Variants in USH2A observed in about 807,000 individuals in gnomAD.
USH2A encodes the protein Usher syndrome 2A (autosomal recessive, mild).
USH2A carries 443 observed loss-of-function variants against 538.9 expected under a neutral mutation model. The observed-to-expected ratio is 0.82, with a 90% CI of 0.76 to 0.89. The LOEUF (loss-of-function observed/expected upper bound fraction) is 0.89. USH2A is among the 40% of genes least tolerant of loss of function. USH2A has a pLI of 0.00. For synonymous variants in USH2A, 2,413 were observed against 2,273.5 expected, an observed-to-expected ratio of 1.06 and a Z score of -1.75; for missense variants, 6,633 against 6,324.8, an observed-to-expected ratio of 1.05 and a Z score of -1.65.
intron 46 of USH2A, among the ~76,000 whole-genome samples, chr1:215,839,737 T>C (rs1663624181): frequency 6.6e-6 from 1 of 152,196 alleles, no homozygotes; most frequent in South Asian, 2.1e-4. Flanking sequence ...GCTAAAACGA[T>C]ATTGTATAAC....
chr1:215,724,094 CTATATCATCTAT>C (rs935031062), intron 61 of USH2A, among the ~76,000 whole-genome samples: 7 of 151,746 alleles, frequency 4.6e-5, no homozygotes, highest in South Asian at 2.1e-4. Context: ...ATATCTATAT[CTATATCATCTAT>C]ATCTATATCT....
chr1:215,890,350 TA>T (rs1558147313), intron 40 of USH2A, among the ~76,000 whole-genome samples: 1 of 152,210 alleles, frequency 6.6e-6, no homozygotes, highest in Non-Finnish European at 1.5e-5. Flanking sequence ...GTTGAAATTT[TA>T]AATGCAACCA....
intron 25 of USH2A, among the ~76,000 whole-genome samples, chr1:216,084,263 C>T (rs996053608): frequency 6.6e-6 from 1 of 151,988 alleles, no homozygotes; most frequent in African/African-American, 2.4e-5. Context: ...GCCTACTTAA[C>T]CCATTACCTA....
chr1:215,628,900 C>T lies in USH2A; in HGVS notation c.15433G>A (p.Val5145Ile), dbSNP rs111033269. The change falls in exon 71 of 72, where the codon GTC becomes ATC. Residue 5145 changes from valine (V) to isoleucine (I), a missense_variant. By Grantham distance (29) the Val-to-Ile change is conservative. Transcript: ENST00000307340. ...TYSQGSLHRSVSQLMDIQDKK... is the reference protein window; with the variant it reads ...TYSQGSLHRSISQLMDIQDKK... Reference sequence around the variant, plus strand: ...TCTTGAATGTCCATGAGCTGGCTGACGCTGCGGTGAAGAGAACCCTGGGAG... The same window carrying T: ...TCTTGAATGTCCATGAGCTGGCTGATGCTGCGGTGAAGAGAACCCTGGGAG... 4.3e-3 allele frequency: 6,909 copies of T among 1,614,130 alleles called. 16 individuals are homozygous for T. Among genetic ancestry groups the T allele is most frequent in the Non-Finnish European group, 5.3e-3 (6,202 of 1,180,028 alleles).
At chr1:215,743,382 A>G (rs1280444123) in intron 58 of USH2A, 47 bp from the exon 59 acceptor site, 1 of 448,298 alleles carries the variant, frequency 2.2e-6, no homozygotes, top group South Asian at 2.2e-5. Flanking sequence ...ATATATATAT[A>G]TATATGTGTG....
intron 43 of USH2A, among the ~76,000 whole-genome samples, chr1:215,873,706 G>A (rs1221699214): frequency 2.0e-5 from 3 of 149,892 alleles, no homozygotes; most frequent in South Asian, 4.2e-4. Context: ...AAAATAAGAC[G>A]AAAATGTGTT....
intron 59 of USH2A, 128 bp from the exon 60 acceptor site, chr1:215,741,665 T>A: frequency 9.6e-7 from 1 of 1,041,392 alleles, no homozygotes. Context: ...TACTTGTACA[T>A]GTGTTTTAAA....
intron 21 of USH2A, among the ~76,000 whole-genome samples, chr1:216,101,493 T>A (rs1181947938): frequency 6.6e-6 from 1 of 152,166 alleles, no homozygotes; most frequent in Non-Finnish European, 1.5e-5. Flanking sequence ...AGAGCAGAAA[T>A]TTTAATACAG....
chr1:216,269,735 G>A (rs557185190), intron 11 of USH2A, among the ~76,000 whole-genome samples: 2 of 152,172 alleles, frequency 1.3e-5, no homozygotes, highest in Admixed American at 6.6e-5. Context: ...GCTGCATATT[G>A]CCTTGTGATC....
chr1:216,239,652 G>A (rs990384493), intron 13 of USH2A, among the ~76,000 whole-genome samples: 4 of 152,132 alleles, frequency 2.6e-5, no homozygotes, highest in African/African-American at 2.4e-5. Flanking sequence ...GGAGTGATGG[G>A]ATGTTACTCA....
At chr1:215,878,034 T>G (rs996323261) in intron 42 of USH2A, among the ~76,000 whole-genome samples, 154 bp from the exon 43 acceptor site, 21 of 152,066 alleles carry the variant, frequency 1.4e-4, no homozygotes, top group Non-Finnish European at 2.4e-4. Context: ...TTGTTTCAGA[T>G]GAACGTTTTT....
intron 12 of USH2A, 139 bp from the exon 13 acceptor site, chr1:216,247,365 A>G (rs1464277320): frequency 1.0e-6 from 1 of 970,922 alleles, no homozygotes; most frequent in Non-Finnish European, 1.5e-6. Flanking sequence ...ATAGGGGGCC[A>G]ATCTTACTCT....
At chr1:215,634,308 C>T in intron 70 of USH2A, 151 bp downstream of exon 70, 1 of 1,280,146 alleles carries the variant, frequency 7.8e-7, no homozygotes, top group East Asian at 2.3e-5. Flanking sequence ...GAAAGCTGTT[C>T]TAGGGTTAGC....
chr1:216,266,164 C>A, intron 11 of USH2A, among the ~76,000 whole-genome samples: 1 of 151,342 alleles, frequency 6.6e-6, no homozygotes, highest in Non-Finnish European at 1.5e-5. Context: ...TCTCTGTATC[C>A]CATAATAGGT....
intron 11 of USH2A, among the ~76,000 whole-genome samples, chr1:216,257,083 A>C (rs2102560444): frequency 6.6e-6 from 1 of 152,030 alleles, no homozygotes; most frequent in Non-Finnish European, 1.5e-5. Context: ...TCATTAGAAA[A>C]ATACCCTCCG....
At chr1:215,834,566 C>T (rs534942177) in intron 47 of USH2A, among the ~76,000 whole-genome samples, 22 of 152,134 alleles carry the variant, frequency 1.4e-4, no homozygotes, top group Admixed American at 1.1e-3. Flanking sequence ...TAATGGAGAC[C>T]GACATCATGA....
At chr1:216,355,227 C>T (rs974913533) in intron 4 of USH2A, among the ~76,000 whole-genome samples, 1 of 151,454 alleles carries the variant, frequency 6.6e-6, no homozygotes, top group African/African-American at 2.4e-5. Flanking sequence ...TACTTGAACC[C>T]AGGAGGCAGA....
chr1:215,889,133 C>T, intron 40 of USH2A, 79 bp from the exon 41 acceptor site: 1 of 1,530,360 alleles, frequency 6.5e-7, no homozygotes, highest in Non-Finnish European at 8.9e-7. Flanking sequence ...TGAGTGATAG[C>T]TCTGCTACAA....
chr1:215,783,081 C>CT (rs1661694068), intron 52 of USH2A, 146 bp from the exon 53 acceptor site: 2 of 675,024 alleles, frequency 3.0e-6, no homozygotes, highest in Non-Finnish European at 4.8e-6. Context: ...ACTCTAATAT[C>CT]TTTATTTTCT....
Sources: allele counts gnomAD v4.1 joint callset (sites outside exome capture counted in the v4.1 genomes callset), GRCh38; gene constraint gnomAD v4.1.1; transcripts MANE v1.5; gene names NCBI Gene and HGNC (gene_info 2026-07-23, HGNC 2026-07-21).